Variants in NTPCR observed in about 807,000 individuals in gnomAD.
NTPCR encodes cancer-related nucleoside-triphosphatase.
A neutral mutation model predicts 19.5 loss-of-function variants in NTPCR; 15 were observed. The ratio of observed to expected loss-of-function variants is 0.77; its 90% CI spans 0.51 to 1.18. NTPCR has a LOEUF of 1.18. NTPCR is among the 50% of genes most tolerant of loss of function. The pLI is 0.00. For missense variants in NTPCR, 206 were observed against 240.4 expected (o/e 0.86, Z 0.95); for synonymous variants, 90 against 95.8 (o/e 0.94, Z 0.36).
Position 232,982,801 on chromosome 1 carries a change from G to A in NTPCR, c.*4570G>A, listed in dbSNP as rs1293856167. On this transcript the variant is annotated 3_prime_UTR_variant, in exon 5 of 5. Transcript: ENST00000366628. ...AACTCAAGGAGTCACCCTCCGTGGG[G>A]AGGCCACACTCACAGCTCCAGGCCT... 4 of 152,226 alleles carry A rather than the reference G, an allele frequency of 2.6e-5. No individual in the cohort carries two copies. In the East Asian group the frequency reaches 7.7e-4, roughly 29 times the overall value. 9.4% of individuals were successfully genotyped at this position (152,226 alleles called of 1,614,324 possible). A position where few individuals can be genotyped will look rare whatever the true frequency, so the allele number is the denominator to read the frequency against.
At position 232,955,574 on chromosome 1, in the gene NTPCR, T is replaced by C; in HGVS notation, c.52T>C (p.Leu18=). Residue 18 remains leucine, a synonymous_variant, in exon 2 of 5, where the codon TTG becomes CTG. Coordinates refer to ENST00000366628, the MANE Select transcript of NTPCR (RefSeq NM_032324.3). ...TGPPGVGKTT[L]IHKASEVLKS... ...TATTTTAGGAGTTGGAAAAACAACATTGATCCATAAAGCCAGTGAGGTTTT... is the reference window on the plus strand; with the variant it reads ...TATTTTAGGAGTTGGAAAAACAACACTGATCCATAAAGCCAGTGAGGTTTT... 1 of 1,593,980 alleles carries C rather than the reference T, an allele frequency of 6.3e-7. No homozygotes were observed. Among genetic ancestry groups the C allele is most frequent in the Non-Finnish European group, 8.5e-7 (1 of 1,172,752 alleles).
In NTPCR at chr1:232,950,715, C is replaced by T. The variant is rs746399876; in HGVS notation, c.5C>T (p.Ala2Val). 5.0e-5 allele frequency: 81 copies of T among 1,604,718 alleles called. 1 individual carries two copies. The South Asian group carries it at 8.7e-4, about 17-fold the overall frequency. The change falls in exon 1 of 5, where the codon GCC (alanine) becomes GTC (valine). Residue 2 changes from alanine to valine, a missense_variant. Physicochemically the swap from Ala to Val is moderately conservative, Grantham distance 64. Coordinates refer to ENST00000366628, the MANE Select transcript of NTPCR (RefSeq NM_032324.3). ...CCCCTACCCCCGCCCACCAGTATGG[C>T]CCGGCACGTGTTCCTAACGGGGCCC... MARHVFLTGPPG... is the reference protein window; with the variant it reads MVRHVFLTGPPG...
intron 4 of NTPCR, among the ~76,000 whole-genome samples, chr1:232,975,913 C>G (rs948635974): frequency 6.6e-6 from 1 of 152,178 alleles, no homozygotes; most frequent in Non-Finnish European, 1.5e-5. Context: ...AAAAAGTAGA[C>G]TAGAATTTCA....
chr1:232,978,825 C>A lies in NTPCR; in HGVS notation c.*594C>A, dbSNP rs1571972823. On this transcript the variant is annotated 3_prime_UTR_variant, in exon 5 of 5. Coordinates refer to ENST00000366628, the MANE Select transcript of NTPCR (RefSeq NM_032324.3). ...GGAGGCATTGTGTGGGAGGAATACA[C>A]AACCTTTGGAAGTGTTGATAGCATC... 6.6e-6 allele frequency: 1 copy of A among 152,254 alleles called. No homozygotes were observed. The highest frequency in any genetic ancestry group is 2.4e-5 in the African/African-American group (1 of 41,452). 9.4% of individuals were successfully genotyped at this position (152,254 alleles called of 1,614,324 possible). A position where few individuals can be genotyped will look rare whatever the true frequency, so the allele number is the denominator to read the frequency against.
intron 1 of NTPCR, among the ~76,000 whole-genome samples, chr1:232,953,080 A>T (rs921274580): frequency 6.6e-6 from 1 of 152,160 alleles, no homozygotes; most frequent in Non-Finnish European, 1.5e-5. Context: ...GTCCCTTAGG[A>T]TTCCCCAGGG....
At chr1:232,966,678 T>C (rs1668825482) in intron 3 of NTPCR, 1 of 152,228 alleles carries the variant, frequency 6.6e-6, no homozygotes, top group African/African-American at 2.4e-5. Context: ...TATCCCTGGC[T>C]GGTCAATTTT....
At chr1:232,965,500 A>T (rs1668787599) in intron 3 of NTPCR, 1 of 152,276 alleles carries the variant, frequency 6.6e-6, no homozygotes, top group Admixed American at 6.5e-5. Context: ...GGCTCCTAGG[A>T]GGTGCTCAGC....
At chr1:232,966,942 A>T (rs924288487) in intron 3 of NTPCR, 1 of 152,160 alleles carries the variant, frequency 6.6e-6, no homozygotes, top group Admixed American at 6.5e-5. Context: ...GTACATCGTG[A>T]TTCTGACCAC....
At chr1:232,973,428 C>T (rs1451898920) in intron 4 of NTPCR, among the ~76,000 whole-genome samples, 1 of 152,048 alleles carries the variant, frequency 6.6e-6, no homozygotes. Context: ...ATTTATAATA[C>T]AAGCATAAGA....
At chr1:232,976,399 A>C in intron 4 of NTPCR, 8 of 1,550,386 alleles carry the variant, frequency 5.2e-6, no homozygotes, top group Non-Finnish European at 7.0e-6. Context: ...ATCACAGTCC[A>C]CTCTCACAGA....
At chr1:232,956,792 C>T (rs1157733221) in intron 3 of NTPCR, among the ~76,000 whole-genome samples, 1 of 152,118 alleles carries the variant, frequency 6.6e-6, no homozygotes, top group Non-Finnish European at 1.5e-5. Flanking sequence ...ATTATATGAA[C>T]ATAATAGCCA....
chr1:232,954,458 A>G (rs1668458327), intron 1 of NTPCR, among the ~76,000 whole-genome samples: 1 of 152,240 alleles, frequency 6.6e-6, no homozygotes, highest in East Asian at 1.9e-4. Context: ...CAGACATGCT[A>G]GGAGTTTTCT....
At chr1:232,953,008 GT>G (rs759819098) in intron 1 of NTPCR, among the ~76,000 whole-genome samples, 2 of 152,152 alleles carry the variant, frequency 1.3e-5, no homozygotes, top group African/African-American at 4.8e-5. Context: ...GTGAAAGTTA[GT>G]TGATAAATTC....
At chr1:232,959,165 G>T (rs1313687205) in intron 3 of NTPCR, among the ~76,000 whole-genome samples, 1 of 152,116 alleles carries the variant, frequency 6.6e-6, no homozygotes, top group South Asian at 2.1e-4. Flanking sequence ...GAGACCTGAA[G>T]GGAGGTGATT....
intron 1 of NTPCR, among the ~76,000 whole-genome samples, chr1:232,951,427 AAGC>A (rs1003535923): frequency 1.3e-5 from 2 of 152,154 alleles, no homozygotes; most frequent in Admixed American, 1.3e-4. Flanking sequence ...CTCATCTGAG[AAGC>A]AGGATAGCGT....
At chr1:232,953,677 A>G (rs1668436280) in intron 1 of NTPCR, among the ~76,000 whole-genome samples, 1 of 152,190 alleles carries the variant, frequency 6.6e-6, no homozygotes, top group South Asian at 2.1e-4. Context: ...AGAAATCAAC[A>G]TTGTAAATCT....
At chr1:232,959,953 G>C (rs1286522521) in intron 3 of NTPCR, among the ~76,000 whole-genome samples, 1 of 152,084 alleles carries the variant, frequency 6.6e-6, no homozygotes, top group Non-Finnish European at 1.5e-5. Context: ...GCTCATGTCT[G>C]TAACCCCAGC....
chr1:232,971,175 C>T (rs549959481), intron 4 of NTPCR, among the ~76,000 whole-genome samples: 1 of 152,282 alleles, frequency 6.6e-6, no homozygotes, highest in African/African-American at 2.4e-5. Context: ...CAACCCCTAC[C>T]CTTAGTTTCT....
intron 4 of NTPCR, chr1:232,976,609 G>A (rs755712742): frequency 7.0e-7 from 1 of 1,428,066 alleles, no homozygotes; most frequent in Non-Finnish European, 9.2e-7. Context: ...GTCCCATGAA[G>A]CCAAAGGAAA....
Sources: gnomAD v4.1 joint callset for allele counts (sites outside exome capture counted in the v4.1 genomes callset) on GRCh38, gnomAD v4.1.1 for gene constraint, MANE v1.5 for transcripts, NCBI Gene and HGNC (gene_info 2026-07-23, HGNC 2026-07-21) for gene names.